The following NEMP2 variants were observed in gnomAD, a reference collection of about 807,000 sequenced individuals.
The protein encoded by NEMP2 is nuclear envelope integral membrane protein 2, also known as UPF0571 transmembrane protein.
A neutral mutation model predicts 54.2 loss-of-function variants in NEMP2; 53 were observed. That is an observed-to-expected ratio of 0.98 (90% CI 0.78 to 1.23). The LOEUF is 1.23. NEMP2 is among the 50% of genes most tolerant of loss of function. The pLI, the probability that NEMP2 is intolerant of heterozygous loss-of-function variation, is 0.00. For missense variants in NEMP2, 455 were observed against 511.3 expected, an observed-to-expected ratio of 0.89 and a Z score of 1.06; for synonymous variants, 197 against 190.3, an observed-to-expected ratio of 1.04 and a Z score of -0.29.
the NEMP2 span, among the ~76,000 whole-genome samples, chr2:190,455,934 C>CTTTTTTTTTTTTTTTTT: frequency 1.5e-5 from 1 of 65,370 alleles, no homozygotes; most frequent in African/African-American, 6.6e-5. Context: ...ATTTACTCTG[C>CTTTTTTTTTTTTTTTTT]TTTTTTTTTT....
In NEMP2 at chr2:190,514,724, C is replaced by T; in HGVS notation, c.728-46G>A. 6.6e-7 allele frequency: 1 copy of T among 1,514,780 alleles called. No individual in the cohort carries two copies. Among genetic ancestry groups the T allele is most frequent in the Non-Finnish European group, 9.0e-7 (1 of 1,115,922 alleles). 93.8% of individuals were successfully genotyped at this position (1,514,780 alleles called of 1,614,324 possible). ...AAATAATATAAATTTGAATTTGAGA[C>T]ATTATGTGAAAAACCTGGCAGAGCC... On this transcript the variant is annotated intron_variant, in intron 6 of 8. Coordinates refer to ENST00000409150, the MANE Select transcript of NEMP2 (RefSeq NM_001142645.2). The surrounding 1 kb of genome is among the most constrained non-coding windows in gnomAD (Gnocchi z 5.7).
chr2:190,452,526 A>G, the NEMP2 span, among the ~76,000 whole-genome samples: 1 of 152,190 alleles, frequency 6.6e-6, no homozygotes, highest in Admixed American at 6.5e-5. Flanking sequence ...ACAGCCAGTA[A>G]ATAATGAACA....
chr2:190,558,450 C>T, the NEMP2 span, among the ~76,000 whole-genome samples: 9 of 152,260 alleles, frequency 5.9e-5, no homozygotes, highest in Non-Finnish European at 1.0e-4. The surrounding 1 kb of genome is among the most constrained non-coding windows in gnomAD (Gnocchi z 4.4). Flanking sequence ...TGCACATGTA[C>T]CCCAGAACGT....
chr2:190,517,744 C>T (rs1690611752), intron 4 of NEMP2, 131 bp from the exon 5 acceptor site: 2 of 669,956 alleles, frequency 3.0e-6, no homozygotes, highest in South Asian at 1.8e-5. Context: ...GCTCTCATTA[C>T]ATCCTATACT....
At chr2:190,496,384 G>C in the NEMP2 span, among the ~76,000 whole-genome samples, 1 of 152,150 alleles carries the variant, frequency 6.6e-6, no homozygotes, top group Non-Finnish European at 1.5e-5. The surrounding 1 kb of genome is among the most constrained non-coding windows in gnomAD (Gnocchi z 4.7). Context: ...ACTGCTGGTA[G>C]GAATGTAAGC....
At chr2:190,624,128 T>G in the NEMP2 span, among the ~76,000 whole-genome samples, 117,771 of 152,002 alleles carry the variant, frequency 0.77, 46,566 homozygotes, top group African/African-American at 0.93. Context: ...AAAAAGGAGT[T>G]GGGGGGCAAA....
At chr2:190,511,480 G>C (rs1005296716) in intron 7 of NEMP2, among the ~76,000 whole-genome samples, 1 of 151,336 alleles carries the variant, frequency 6.6e-6, no homozygotes, top group Non-Finnish European at 1.5e-5. Flanking sequence ...AGGAATCTAA[G>C]ACTCTCATAA....
the NEMP2 span, chr2:190,444,869 T>C: frequency 1.2e-6 from 1 of 827,630 alleles, no homozygotes; most frequent in African/African-American, 1.9e-5. Flanking sequence ...CCAATTATTT[T>C]ATACAAAATC....
chr2:190,458,388 G>A, the NEMP2 span, among the ~76,000 whole-genome samples: 1 of 152,194 alleles, frequency 6.6e-6, no homozygotes, highest in Non-Finnish European at 1.5e-5. The surrounding 1 kb of genome is among the most constrained non-coding windows in gnomAD (Gnocchi z 5.3). Flanking sequence ...CGATGACACA[G>A]GGAGAGGATG....
At chr2:190,461,228 T>G in the NEMP2 span, among the ~76,000 whole-genome samples, 4 of 152,248 alleles carry the variant, frequency 2.6e-5, no homozygotes, top group African/African-American at 9.6e-5. This position sits in a 1 kb window ranked among gnomAD's most constrained non-coding sequence, Gnocchi z 5.5. Flanking sequence ...CATCATTTAA[T>G]GGGTCTGTTT....
chr2:190,445,499 A>AT, the NEMP2 span, among the ~76,000 whole-genome samples: 79,203 of 148,000 alleles, frequency 0.54, 22,131 homozygotes, highest in Admixed American at 0.64. Context: ...AAGAACACGA[A>AT]TTTTTTTTTT....
chr2:190,531,932 T>C lies in NEMP2; in HGVS notation c.97+2627A>G, dbSNP rs752158196. ...CAGAACCTAACTCCCAACACAAAAA[T>C]ATCTCACCAATGTTCCTCCTGAAAA... On this transcript the variant is annotated intron_variant, in intron 1 of 8. Coordinates refer to ENST00000409150, the MANE Select transcript of NEMP2 (RefSeq NM_001142645.2). The surrounding 1 kb of genome is among the most constrained non-coding windows in gnomAD (Gnocchi z 4.7). 1.1e-4 allele frequency among the ~76,000 whole-genome samples: 16 copies of C among 152,140 alleles called. No individual in the cohort carries two copies. Among genetic ancestry groups the C allele is most frequent in the South Asian group, 4.2e-4 (2 of 4,810 alleles).
chr2:190,605,779 C>T, the NEMP2 span, among the ~76,000 whole-genome samples: 1 of 152,202 alleles, frequency 6.6e-6, no homozygotes, highest in African/African-American at 2.4e-5. Context: ...AATGTCAGTT[C>T]TCCTGTAAAA....
rs1310465853 is a variant in NEMP2 at position 190,519,391 on chromosome 2, T to C, written c.214-208A>G. Among the ~76,000 whole-genome samples, 1 of 152,146 alleles carries C rather than the reference T, an allele frequency of 6.6e-6. No homozygotes were observed. The highest frequency in any genetic ancestry group is 1.5e-5 in the Non-Finnish European group (1 of 68,028). On this transcript the variant is annotated intron_variant, in intron 2 of 8. Coordinates refer to ENST00000409150, the MANE Select transcript of NEMP2 (RefSeq NM_001142645.2). This position sits in a 1 kb window ranked among gnomAD's most constrained non-coding sequence, Gnocchi z 5.4. ...CACATGCCACCTGCCCAGCTAATTTTTGTATTTTTTGTAGAGATGAGGTTT... is the reference window on the plus strand; with the variant it reads ...CACATGCCACCTGCCCAGCTAATTTCTGTATTTTTTGTAGAGATGAGGTTT...
chr2:190,456,311 A>G, the NEMP2 span, among the ~76,000 whole-genome samples: 2 of 152,144 alleles, frequency 1.3e-5, no homozygotes, highest in African/African-American at 4.8e-5. This position sits in a 1 kb window ranked among gnomAD's most constrained non-coding sequence, Gnocchi z 5.4. Flanking sequence ...GGTGTTTAGC[A>G]TGGTGAGTGG....
chr2:190,568,245 A>G, the NEMP2 span: 1 of 152,176 alleles, frequency 6.6e-6, no homozygotes, highest in African/African-American at 2.4e-5. This position sits in a 1 kb window ranked among gnomAD's most constrained non-coding sequence, Gnocchi z 4.7. Context: ...GGAGAGCAAC[A>G]AGTGAGATTA....
the NEMP2 span, among the ~76,000 whole-genome samples, chr2:190,468,477 G>T: frequency 2.2e-4 from 33 of 148,610 alleles, no homozygotes; most frequent in Non-Finnish European, 2.1e-4. Context: ...TTTTGAGACA[G>T]GGTCTTGCTC....
In NEMP2 at chr2:190,528,270, G is replaced by C. The variant is rs1027417613; in HGVS notation, c.98-2892C>G. 2.0e-5 allele frequency among the ~76,000 whole-genome samples: 3 copies of C among 152,184 alleles called. No individual in the cohort carries two copies. The highest frequency in any genetic ancestry group is 7.2e-5 in the African/African-American group (3 of 41,436). ...TGTAGTATATAACCTGGAAGATCCT[G>C]AGCAACTGCAATGAGAAGACATGAG... On this transcript the variant is annotated intron_variant, in intron 1 of 8. Coordinates refer to ENST00000409150, the MANE Select transcript of NEMP2 (RefSeq NM_001142645.2). The surrounding 1 kb of genome is among the most constrained non-coding windows in gnomAD (Gnocchi z 4.3).
chr2:190,557,725 C>T, the NEMP2 span, among the ~76,000 whole-genome samples: 1 of 152,144 alleles, frequency 6.6e-6, no homozygotes, highest in Non-Finnish European at 1.5e-5. Context: ...TGAAAAAATG[C>T]TCATTATCAC....
Sources: gnomAD v4.1 joint callset for allele counts (sites outside exome capture counted in the v4.1 genomes callset) on GRCh38, gnomAD v4.1.1 for gene constraint, Gnocchi (gnomAD v3.1) non-coding constraint, MANE v1.5 for transcripts, NCBI Gene and HGNC (gene_info 2026-07-23, HGNC 2026-07-21) for gene names.